The following TYRO3 variants were observed in gnomAD, a reference collection of about 807,000 sequenced individuals.
TYRO3 encodes the protein TYRO3 protein tyrosine kinase.
Under a neutral mutation model 95.2 loss-of-function variants are expected in TYRO3, and 38 were observed. The observed-to-expected ratio is 0.40, with a 90% CI of 0.31 to 0.52. TYRO3 has a LOEUF of 0.52. TYRO3 is among the 20% of genes least tolerant of loss of function. TYRO3 has a pLI of 0.56. For missense variants in TYRO3, 812 were observed against 1,116.4 expected (o/e 0.73, Z 3.89); for synonymous variants, 367 against 432.9 (o/e 0.85, Z 1.89).
intron 4 of TYRO3, 30 bp downstream of exon 4, chr15:41,562,748 G>A: frequency 6.3e-7 from 1 of 1,587,964 alleles, no homozygotes; most frequent in Non-Finnish European, 8.6e-7. Flanking sequence ...GGCTGGGAGT[G>A]GAGAAGGAGC....
intron 2 of TYRO3, 94 bp downstream of exon 2, chr15:41,561,404 C>T (rs1034156234): frequency 6.7e-7 from 1 of 1,493,432 alleles, no homozygotes; most frequent in Non-Finnish European, 9.1e-7. Flanking sequence ...CTCCTGATGC[C>T]CAGAGGTCTG....
intron 18 of TYRO3, chr15:41,577,614 G>A (rs901926893): frequency 2.0e-5 from 5 of 252,988 alleles, no homozygotes; most frequent in Non-Finnish European, 3.1e-5. Context: ...TCAGCCTTCC[G>A]AGTAGCTGGG....
rs1269507397 is a variant in TYRO3 at position 41,580,161 on chromosome 15, C to T, written c.*1885C>T. ...TGCTTTTGTAATTAGATACAGGATC[C>T]CAATGAATCTTATTATACTGAAGAT... On this transcript the variant is annotated 3_prime_UTR_variant, in exon 19 of 19. Transcript: ENST00000263798. The T allele has an allele frequency of 1.3e-5, 2 of 151,980 alleles. No individual in the cohort carries two copies. Among genetic ancestry groups the T allele is most frequent in the African/African-American group, 4.8e-5 (2 of 41,374 alleles). 9.4% of individuals were successfully genotyped at this position (151,980 alleles called of 1,614,324 possible).
intron 1 of TYRO3, among the ~76,000 whole-genome samples, chr15:41,560,497 G>T (rs2055639436): frequency 6.6e-6 from 1 of 151,772 alleles, no homozygotes; most frequent in Admixed American, 6.6e-5. Context: ...AGTGGCTCAG[G>T]GGTCTTAGGC....
chr15:41,568,850 A>C, intron 8 of TYRO3, 28 bp from the exon 9 acceptor site: 1 of 1,596,280 alleles, frequency 6.3e-7, no homozygotes, highest in South Asian at 1.1e-5. Context: ...CAGGCTCACT[A>C]TGGGGTGGGG....
Position 41,578,342 on chromosome 15 carries a change from C to A in TYRO3, c.*66C>A. The stretch of plus-strand genomic sequence containing the variant: ...GTGGCCACTGAGCTGGCTGACTAAG[C>A]CCCGTCTGACCCCAGCCCAGACAGC... On this transcript the variant is annotated 3_prime_UTR_variant, in exon 19 of 19. Transcript: ENST00000263798. 6.3e-7 allele frequency: 1 copy of A among 1,581,470 alleles called. No homozygotes were observed. Among genetic ancestry groups the A allele is most frequent in the South Asian group, 1.2e-5 (1 of 86,456 alleles).
Position 41,568,369 on chromosome 15 carries a change from C to T in TYRO3, c.1107+7C>T. ...TCAAGACAATGGAACCCAGGTAAGA[C>T]AGAACCCTCCCCTCTCTCCACTCTC... On this transcript the variant is annotated splice_region_variant and intron_variant, in intron 8 of 18. Transcript: ENST00000263798. 15 of 1,612,068 alleles carry T rather than the reference C, an allele frequency of 9.3e-6. No homozygotes were observed. Among genetic ancestry groups the T allele is most frequent in the Non-Finnish European group, 1.3e-5 (15 of 1,178,854 alleles).
chr15:41,578,057 C>G lies in TYRO3; in HGVS notation c.2454C>G (p.Ser818Arg), dbSNP rs1223009495. ...CTGAGGAGCCCACTGCGGGAGGCAG[C>G]CTGGAGCTACCTGGCAGGGATCAGC... ...ERAEEPTAGGSLELPGRDQPY... is the reference protein window; with the variant it reads ...ERAEEPTAGGRLELPGRDQPY... The change falls in exon 19 of 19, where the codon AGC (serine) becomes AGG (arginine). Residue 818 changes from serine (S) to arginine (R), a missense_variant. Coordinates refer to ENST00000263798, the MANE Select transcript of TYRO3 (RefSeq NM_006293.4). 1.2e-6 allele frequency: 2 copies of G among 1,613,970 alleles called. No individual in the cohort carries two copies. The highest frequency in any genetic ancestry group is 1.7e-6 in the Non-Finnish European group (2 of 1,180,040).
rs774134072 is a variant in TYRO3, at chr15:41,578,263, A to G, written c.2660A>G (p.His887Arg). The change falls in exon 19 of 19, where the codon CAC (histidine) becomes CGC (arginine). Residue 887 changes from histidine to arginine, a missense_variant. His to Arg is a conservative substitution (Grantham distance 29, BLOSUM62 0). Transcript: ENST00000263798. The stretch of plus-strand genomic sequence containing the variant: ...CTGCTGCAGCAAGGGCTACTGCCAC[A>G]CAGTAGCTGTTAGCCCACAGGCAGA... The part of the protein sequence containing the change: ...LLLLQQGLLP[H>R]SSC The G allele has an allele frequency of 1.9e-6, 3 of 1,613,226 alleles. No homozygotes were observed. In the African/African-American group the frequency reaches 4.0e-5, roughly 22 times the overall value.
At chr15:41,572,335 T>C in intron 14 of TYRO3, 108 bp from the exon 15 acceptor site, 2 of 1,464,530 alleles carry the variant, frequency 1.4e-6, no homozygotes, top group Non-Finnish European at 1.8e-6. Flanking sequence ...AAAAAATAAA[T>C]AGCAGAGCCA....
In TYRO3 at chr15:41,568,309, G is replaced by C. The variant is rs527331118; in HGVS notation, c.1054G>C (p.Glu352Gln). 1.9e-6 allele frequency: 3 copies of C among 1,613,960 alleles called. No individual in the cohort carries two copies. Among genetic ancestry groups the C allele is most frequent in the Admixed American group, 1.7e-5 (1 of 59,990 alleles). The change falls in exon 8 of 19, where the codon GAA (glutamate) becomes CAA (glutamine). Residue 352 changes from glutamate to glutamine, a missense_variant. Transcript: ENST00000263798. ...AGAAGTGATCCCCGAGGCCCCTTTG[G>C]AAGGCCCCCTGGGACCCTACAAACT... Reference protein sequence around the residue: ...WEEVIPEAPLEGPLGPYKLSW... With the variant: ...WEEVIPEAPLQGPLGPYKLSW...
intron 6 of TYRO3, among the ~76,000 whole-genome samples, chr15:41,566,888 T>C (rs1320587781): frequency 6.6e-6 from 1 of 152,242 alleles, no homozygotes; most frequent in East Asian, 1.9e-4. Flanking sequence ...GATCTCTTTG[T>C]ACTCTTGCCC....
At position 41,562,687 on chromosome 15, in the gene TYRO3, C is replaced by T. The variant is rs56363203; in HGVS notation, c.549C>T (p.Pro183=). The change falls in exon 4 of 19, where the codon CCC becomes CCT. Residue 183 remains proline (P), a synonymous_variant. Transcript: ENST00000263798. The part of the protein sequence containing the change: ...WWRGTTKIGG[P]APSPSVLNVT... ...GAGGAACTACGAAGATCGGGGGACC[C>T]GCTCCCTCTCCATCTGTTTTAAATG... The T allele has an allele frequency of 1.0e-3, 1,666 of 1,613,790 alleles. 9 individuals carry two copies. In the African/African-American group the frequency reaches 0.02, roughly 19 times the overall value.
intron 7 of TYRO3, 119 bp from the exon 8 acceptor site, chr15:41,568,098 T>C: frequency 7.3e-7 from 1 of 1,378,580 alleles, no homozygotes; most frequent in South Asian, 1.3e-5. Flanking sequence ...AGGTGAACCC[T>C]TCCCCAGTTT....
rs757843925 is a variant in TYRO3, at chr15:41,568,229, C to G, written c.974C>G (p.Ala325Gly). 1 of 1,612,370 alleles carries G rather than the reference C, an allele frequency of 6.2e-7. No individual in the cohort carries two copies. The highest frequency in any genetic ancestry group is 2.2e-5 in the East Asian group (1 of 44,884). Residue 325 changes from alanine to glycine, a missense_variant, in exon 8 of 19, where the codon GCT becomes GGT. By Grantham distance (60) the Ala-to-Gly change is moderately conservative (BLOSUM62 0). Coordinates refer to ENST00000263798, the MANE Select transcript of TYRO3 (RefSeq NM_006293.4). Reference protein sequence around the residue: ...FQTKGLAPASAPQNLHAIRTD... With the variant: ...FQTKGLAPASGPQNLHAIRTD... The stretch of plus-strand genomic sequence containing the variant: ...TCTTTGGCTGCAGCCCCAGCCAGCG[C>G]TCCCCAAAACCTCCATGCCATCCGC...
Position 41,578,662 on chromosome 15 carries a change from C to T in TYRO3, c.*386C>T, listed in dbSNP as rs2055891175. On this transcript the variant is annotated 3_prime_UTR_variant, in exon 19 of 19. Transcript: ENST00000263798. ...GCTGCCCCTGCTGCTTAAGTGCATG[C>T]ATTGAGCTGCCTCCAGCCTGGTGGC... is the stretch of plus-strand genomic sequence containing the variant. The T allele has an allele frequency of 5.0e-5, 14 of 277,834 alleles. No individual in the cohort carries two copies. In the South Asian group the frequency reaches 8.6e-4, roughly 17 times the overall value. The allele number at this position is 277,834 out of a possible 1,614,324, so 17.2% of individuals were successfully genotyped here.
At chr15:41,574,834 C>T in intron 18 of TYRO3, 1 of 433,698 alleles carries the variant, frequency 2.3e-6, no homozygotes, top group Non-Finnish European at 4.6e-6. Flanking sequence ...ATCCTCCCTC[C>T]CCAGCCTTCC....
chr15:41,560,428 T>TGC (rs150653270), intron 1 of TYRO3, among the ~76,000 whole-genome samples: 2,679 of 135,242 alleles, frequency 0.02, 80 homozygotes, highest in African/African-American at 0.056. Context: ...TGTGTGTGTG[T>TGC]GCGCGCGCGC....
chr15:41,568,456 G>A, intron 8 of TYRO3, 94 bp downstream of exon 8: 1 of 1,339,208 alleles, frequency 7.5e-7, no homozygotes, highest in Non-Finnish European at 1.0e-6. Flanking sequence ...TGTCTTTGGT[G>A]GGCCTGGGTC....
Sources: gnomAD v4.1 joint callset for allele counts (sites outside exome capture counted in the v4.1 genomes callset) on GRCh38, gnomAD v4.1.1 for gene constraint, MANE v1.5 for transcripts, NCBI Gene and HGNC (gene_info 2026-07-23, HGNC 2026-07-21) for gene names.